GLYATL1: variants seen among roughly 807,000 people sequenced by gnomAD.
GLYATL1 encodes glycine-N-acyltransferase like 1.
In GLYATL1, 15 loss-of-function variants were observed where a neutral mutation model predicts 20.0. The ratio of observed to expected loss-of-function variants is 0.75; its 90% CI spans 0.50 to 1.15. The LOEUF is 1.15. Ranked by LOEUF, GLYATL1 falls within the 50% of genes most tolerant of loss-of-function variation. GLYATL1 has a pLI of 0.00. For missense variants in GLYATL1, 380 were observed against 368.5 expected (o/e 1.03, Z -0.26); for synonymous variants, 151 against 131.5 (o/e 1.15, Z -1.01).
chr11:58,938,042 G>C (rs1005789203), upstream of GLYATL1, among the ~76,000 whole-genome samples: 1 of 152,126 alleles, frequency 6.6e-6, no homozygotes, highest in Non-Finnish European at 1.5e-5. Context: ...GTAAAGGTAG[G>C]CTAAACATTG....
chr11:58,916,177 C>T (rs931027928), intron 1 of GLYATL1, among the ~76,000 whole-genome samples: 1 of 152,164 alleles, frequency 6.6e-6, no homozygotes, highest in Non-Finnish European at 1.5e-5. Context: ...TCTGTACTGC[C>T]TCCTGTACTG....
chr11:58,955,402 T>C (rs1857325959), intron 6 of GLYATL1, 49 bp downstream of exon 6: 2 of 1,528,992 alleles, frequency 1.3e-6, no homozygotes, highest in Non-Finnish European at 1.8e-6. Flanking sequence ...CTTGTACATT[T>C]TTGTAATTCA....
chr11:58,911,981 T>A (rs2134650214), downstream of GLYATL1, among the ~76,000 whole-genome samples: 1 of 152,356 alleles, frequency 6.6e-6, no homozygotes, highest in Middle Eastern at 3.4e-3. Context: ...TTAAGTTTTT[T>A]TTTGTATGGT....
chr11:58,924,665 G>C (rs1280513673), upstream of GLYATL1, among the ~76,000 whole-genome samples: 1 of 152,088 alleles, frequency 6.6e-6, no homozygotes, highest in African/African-American at 2.4e-5. Flanking sequence ...CTCTTATTCC[G>C]GCTTTGCATC....
upstream of GLYATL1, among the ~76,000 whole-genome samples, chr11:58,939,062 A>G (rs1390896655): frequency 3.3e-5 from 5 of 152,152 alleles, no homozygotes; most frequent in Non-Finnish European, 7.4e-5. Flanking sequence ...ATAAACATAG[A>G]AATTGACCCT....
upstream of GLYATL1, chr11:58,934,632 A>C (rs11229704): frequency 0.18 from 27,517 of 152,272 alleles, 2,828 homozygotes; most frequent in East Asian, 0.31. Context: ...AGGCAGTACT[A>C]GATACTGGGT....
chr11:58,927,483 C>G (rs987287554), upstream of GLYATL1: 6 of 152,296 alleles, frequency 3.9e-5, no homozygotes, highest in African/African-American at 1.4e-4. Context: ...CTCCCGCAGG[C>G]ACCCATTGGC....
chr11:58,947,017 C>T lies in GLYATL1; in HGVS notation c.-42-29C>T, dbSNP rs576814675. On this transcript the variant is annotated intron_variant, in intron 2 of 6. Coordinates refer to ENST00000532726, the MANE Select transcript of GLYATL1 (RefSeq NM_001389712.2). ...ATTTTAAATTCATTTGTTTCCTTAA[C>T]ATTTTCCCTTCATTTCTTATCTTTT... 398 of 1,531,332 alleles carry T rather than the reference C, an allele frequency of 2.6e-4. 7 individuals are homozygous for T. The South Asian group carries it at 4.3e-3, about 16-fold the overall frequency. 94.9% of individuals were successfully genotyped at this position (1,531,332 alleles called of 1,614,324 possible).
upstream of GLYATL1, among the ~76,000 whole-genome samples, chr11:58,924,582 T>G (rs1173193951): frequency 6.6e-6 from 1 of 152,254 alleles, no homozygotes; most frequent in African/African-American, 2.4e-5. Flanking sequence ...GTTTTTGTTT[T>G]CGGTATCATG....
At chr11:58,914,454 T>C (rs1243828806) in intron 1 of GLYATL1, among the ~76,000 whole-genome samples, 2 of 152,206 alleles carry the variant, frequency 1.3e-5, no homozygotes, top group Non-Finnish European at 2.9e-5. Flanking sequence ...TTTGGTGTTT[T>C]AAGAAAGTTA....
At chr11:58,935,230 A>G (rs1241132333), upstream of GLYATL1, 7 of 152,330 alleles carry the variant, frequency 4.6e-5, no homozygotes, top group African/African-American at 1.7e-4. Flanking sequence ...GGGCTGTGTG[A>G]TCTGGTCTGG....
intron 4 of GLYATL1, among the ~76,000 whole-genome samples, chr11:58,949,209 A>C (rs1856796885): frequency 6.6e-6 from 1 of 152,222 alleles, no homozygotes; most frequent in African/African-American, 2.4e-5. Context: ...CCTCATTGCC[A>C]GCCCAACTTC....
intron 4 of GLYATL1, among the ~76,000 whole-genome samples, chr11:58,950,822 C>T (rs1590808244): frequency 6.6e-6 from 1 of 152,104 alleles, no homozygotes; most frequent in Non-Finnish European, 1.5e-5. Context: ...CGATATTGAA[C>T]ATATTATATT....
At chr11:58,950,290 T>TAA (rs1345086917) in intron 4 of GLYATL1, among the ~76,000 whole-genome samples, 2 of 137,040 alleles carry the variant, frequency 1.5e-5, no homozygotes, top group African/African-American at 2.7e-5. Context: ...AGACTCCGTC[T>TAA]AAAAAAAAAA....
chr11:58,934,623 G>A (rs371362065), upstream of GLYATL1: 3 of 152,320 alleles, frequency 2.0e-5, no homozygotes, highest in Admixed American at 1.3e-4. Flanking sequence ...AGTCCACAGA[G>A]GCAGTACTAG....
intron 4 of GLYATL1, among the ~76,000 whole-genome samples, 154 bp downstream of exon 4, chr11:58,948,119 C>T (rs528899731): frequency 1.3e-5 from 2 of 152,202 alleles, no homozygotes; most frequent in East Asian, 3.9e-4. Context: ...ATGAGTGCCA[C>T]GTGTTCCCAC....
chr11:58,955,667 T>A lies in GLYATL1; in HGVS notation c.549T>A (p.Asn183Lys). 6.2e-7 allele frequency: 1 copy of A among 1,614,116 alleles called. No homozygotes were observed. Among genetic ancestry groups the A allele is most frequent in the East Asian group, 2.2e-5 (1 of 44,878 alleles). ...QLDVSYSGLV[N>K]DNWKRGKNER... ...ATGTCTCTTATTCTGGGCTGGTAAA[T>A]GACAACTGGAAGCGAGGGAAGAATG... Residue 183 changes from asparagine to lysine, a missense_variant, in exon 7 of 7, where the codon AAT becomes AAA. Transcript: ENST00000532726.
At chr11:58,921,962 C>G (rs1250650426) in intron 1 of GLYATL1, among the ~76,000 whole-genome samples, 1 of 152,212 alleles carries the variant, frequency 6.6e-6, no homozygotes, top group Non-Finnish European at 1.5e-5. Flanking sequence ...AGTCATAAAA[C>G]TGTATGGGCC....
upstream of GLYATL1, among the ~76,000 whole-genome samples, chr11:58,937,164 C>T (rs1339446771): frequency 6.6e-6 from 1 of 152,184 alleles, no homozygotes; most frequent in Non-Finnish European, 1.5e-5. Flanking sequence ...TCTTTTGCTA[C>T]AGAGAGGTGC....
Sources: gnomAD v4.1 joint callset for allele counts (sites outside exome capture counted in the v4.1 genomes callset) on GRCh38, gnomAD v4.1.1 for gene constraint, MANE v1.5 for transcripts, NCBI Gene and HGNC (gene_info 2026-07-23, HGNC 2026-07-21) for gene names.